Variants in SLC35E2B observed in about 807,000 individuals in gnomAD.
The protein encoded by SLC35E2B is solute carrier family 35 member E2B.
SLC35E2B carries 18 observed loss-of-function variants against 32.4 expected under a neutral mutation model. The ratio of observed to expected loss-of-function variants is 0.56; its 90% CI spans 0.38 to 0.82. The LOEUF (loss-of-function observed/expected upper bound fraction) is 0.82, where lower values mean the gene tolerates loss of function less well. Ranked by LOEUF, SLC35E2B falls within the 40% of genes least tolerant of loss-of-function variation. The pLI is 0.00. For missense variants in SLC35E2B, 263 were observed against 469.5 expected (o/e 0.56, Z 4.06); for synonymous variants, 132 against 209.1 (o/e 0.63, Z 3.18).
chr1:1,669,835 A>G, intron 7 of SLC35E2B, 99 bp from the exon 8 acceptor site: 1 of 1,254,124 alleles, frequency 8.0e-7, no homozygotes, highest in Non-Finnish European at 1.1e-6. Context: ...CCAGCCCAGA[A>G]GACGTTCATT....
rs74045933 is a variant in SLC35E2B, at chr1:1,682,714, T to G, written c.-147-5868A>C. 5.8e-3 allele frequency among the ~76,000 whole-genome samples: 878 copies of G among 151,736 alleles called. 12 individuals are homozygous for G. Among genetic ancestry groups the G allele is most frequent in the African/African-American group, 0.021 (850 of 41,296 alleles). On this transcript the variant is annotated intron_variant, in intron 2 of 9. Coordinates refer to ENST00000617444, the MANE Select transcript of SLC35E2B (RefSeq NM_001290264.2). ...GGAACCCAGCTGAGCAGCCAGGGGG[T>G]TCCGGGGTCCTCCCTAAGTAGTTGT...
chr1:1,664,669 C>T lies in SLC35E2B; in HGVS notation c.*1113G>A. ...CTGGTGGCCCCAGTGTGCCGTACTA[C>T]TGTCCCTTGGGGAGAGTGGGACAGG... On this transcript the variant is annotated 3_prime_UTR_variant, in exon 10 of 10. Transcript: ENST00000617444. The T allele has an allele frequency of 1.2e-6, 1 of 834,086 alleles. No homozygotes were observed. Among genetic ancestry groups the T allele is most frequent in the Non-Finnish European group, 1.4e-6 (1 of 697,446 alleles). 51.7% of individuals were successfully genotyped at this position (834,086 alleles called of 1,614,324 possible). A position where few individuals can be genotyped will look rare whatever the true frequency, so the allele number is the denominator to read the frequency against.
rs1479845911 is a variant in SLC35E2B at position 1,669,708 on chromosome 1, C to T, written c.790G>A (p.Ala264Thr). ...SAPELQFYTS[A>T]AAVAMLVPAR... is the part of the protein sequence containing the mutation. ...GGGACGAGCATGGCCACCGCAGCGG[C>T]GCTGGTGTAGAACTGCAGCTCCGGG... Residue 264 changes from alanine (A) to threonine (T), a missense_variant, in exon 8 of 10, where the codon GCC becomes ACC. Transcript: ENST00000617444. The T allele has an allele frequency of 7.1e-6, 11 of 1,539,932 alleles. No homozygotes were observed. Among genetic ancestry groups the T allele is most frequent in the Non-Finnish European group, 8.8e-6 (10 of 1,139,144 alleles).
intron 6 of SLC35E2B, chr1:1,670,510 C>A (rs1643660448): frequency 1.1e-5 from 2 of 184,416 alleles, no homozygotes; most frequent in Admixed American, 6.0e-5. Context: ...CAAGCTCCGC[C>A]TCCCAGGTTC....
intron 2 of SLC35E2B, among the ~76,000 whole-genome samples, chr1:1,690,527 T>C: frequency 7.2e-6 from 1 of 139,432 alleles, no homozygotes; most frequent in East Asian, 2.1e-4. Context: ...TCACCTGAGG[T>C]CAGGAGTTCG....
At chr1:1,684,283 C>T (rs1416215420) in intron 2 of SLC35E2B, among the ~76,000 whole-genome samples, 2 of 152,182 alleles carry the variant, frequency 1.3e-5, no homozygotes, top group East Asian at 1.9e-4. Flanking sequence ...TGGCTATAAG[C>T]GCGCTGAGCC....
At chr1:1,682,875 G>A (rs576700013) in intron 2 of SLC35E2B, among the ~76,000 whole-genome samples, 3 of 152,128 alleles carry the variant, frequency 2.0e-5, no homozygotes, top group South Asian at 4.2e-4. Flanking sequence ...TCAGGAGTTC[G>A]AGACCAATCT....
chr1:1,673,580 G>C (rs1027150778), intron 5 of SLC35E2B, among the ~76,000 whole-genome samples: 12 of 152,252 alleles, frequency 7.9e-5, no homozygotes, highest in Middle Eastern at 3.4e-3. Context: ...CGAAGCAGGA[G>C]AATCACTTGA....
Position 1,665,881 on chromosome 1 carries a change from G to C in SLC35E2B, c.1119C>G (p.His373Gln), listed in dbSNP as rs780556613. ...GVLLYNKARQ[H>Q]QQEALQSLAA... is the part of the protein sequence containing the mutation. ...CCAGGCTCTGCAGCGCCTCCTGCTG[G>C]TGTTGCCTGGCTTTGTTGTAGAGCA... is the stretch of plus-strand genomic sequence containing the variant. Residue 373 changes from histidine (H) to glutamine (Q), a missense_variant, in exon 10 of 10, where the codon CAC becomes CAG. Transcript: ENST00000617444. The C allele has an allele frequency of 6.4e-6, 10 of 1,551,032 alleles. No homozygotes were observed. The African/African-American group carries it at 6.8e-5, about 11-fold the overall frequency.
rs780381876 is a variant in SLC35E2B, at chr1:1,675,539, C to A, written c.510G>T (p.Ser170=). 293 of 1,567,932 alleles carry A rather than the reference C, an allele frequency of 1.9e-4. 2 individuals are homozygous for A. The highest frequency in any genetic ancestry group is 2.4e-4 in the Non-Finnish European group (279 of 1,154,860). ...GLVSLKNVAV[S]FAETVKSSAP... is the part of the protein sequence containing the mutation. ...CGGAGCTCTTCACCGTCTCAGCAAA[C>A]GAAACCGCCACATTTTTCAGGCTGA... is the stretch of plus-strand genomic sequence containing the variant. The change falls in exon 5 of 10, where the codon TCG becomes TCT. Residue 170 remains serine, a synonymous_variant. Coordinates refer to ENST00000617444, the MANE Select transcript of SLC35E2B (RefSeq NM_001290264.2).
rs1411052634 is a variant in SLC35E2B, at chr1:1,663,337, C to A, written c.*2445G>T. On this transcript the variant is annotated 3_prime_UTR_variant, in exon 10 of 10. Transcript: ENST00000617444. ...CTCAGAACCAGGCGCCTGCACCTCTCCTTATGCCAGACCACAATCTTCAAA... is the reference window on the plus strand; with the variant it reads ...CTCAGAACCAGGCGCCTGCACCTCTACTTATGCCAGACCACAATCTTCAAA... 1.0e-6 allele frequency: 1 copy of A among 976,484 alleles called. No individual in the cohort carries two copies. The highest frequency in any genetic ancestry group is 1.8e-5 in the African/African-American group (1 of 57,008). 60.5% of individuals were successfully genotyped at this position (976,484 alleles called of 1,614,324 possible).
intron 5 of SLC35E2B, among the ~76,000 whole-genome samples, chr1:1,673,733 C>G (rs1361328978): frequency 1.3e-5 from 2 of 151,614 alleles, no homozygotes; most frequent in East Asian, 1.9e-4. Context: ...GAGGCTGAGG[C>G]GTGCGGATCA....
chr1:1,671,397 C>T, intron 6 of SLC35E2B, 112 bp downstream of exon 6: 2 of 1,214,118 alleles, frequency 1.6e-6, no homozygotes, highest in Admixed American at 8.1e-5. Flanking sequence ...GCATTGGACG[C>T]ACCTGCTTTG....
intron 2 of SLC35E2B, among the ~76,000 whole-genome samples, chr1:1,679,758 G>A (rs1214619438): frequency 4.0e-5 from 6 of 149,398 alleles, no homozygotes; most frequent in Non-Finnish European, 8.9e-5. Context: ...CTTGAACCTG[G>A]AAGGCAGAGC....
At chr1:1,678,237 T>C (rs1289458785) in intron 2 of SLC35E2B, among the ~76,000 whole-genome samples, 1 of 151,994 alleles carries the variant, frequency 6.6e-6, no homozygotes, top group Non-Finnish European at 1.5e-5. Context: ...GCCATATGTA[T>C]ACATAAATAT....
chr1:1,671,653 A>G, intron 5 of SLC35E2B, 24 bp from the exon 6 acceptor site: 1 of 1,505,608 alleles, frequency 6.6e-7, no homozygotes, highest in Non-Finnish European at 8.9e-7. Flanking sequence ...AGCCCCTGTG[A>G]GTGGCTGACC....
intron 2 of SLC35E2B, among the ~76,000 whole-genome samples, chr1:1,684,362 C>G (rs1199813754): frequency 6.6e-6 from 1 of 152,204 alleles, no homozygotes; most frequent in East Asian, 1.9e-4. Flanking sequence ...GGCAGCGTTT[C>G]TGCTGAAGGC....
At chr1:1,670,470 G>A (rs1643659255) in intron 6 of SLC35E2B, 1 of 221,258 alleles carries the variant, frequency 4.5e-6, no homozygotes, top group South Asian at 6.1e-5. Context: ...CGCCCAGGCT[G>A]GAGTGCAGTG....
intron 5 of SLC35E2B, chr1:1,671,918 T>G (rs1643704491): frequency 3.9e-6 from 1 of 259,726 alleles, no homozygotes; most frequent in African/African-American, 2.2e-5. Flanking sequence ...TTCCTGATTC[T>G]GTGAACGCTC....
Sources: allele counts gnomAD v4.1 joint callset (sites outside exome capture counted in the v4.1 genomes callset), GRCh38; gene constraint gnomAD v4.1.1; transcripts MANE v1.5; gene names NCBI Gene and HGNC (gene_info 2026-07-23, HGNC 2026-07-21).